ZNF648: variants seen among roughly 807,000 people sequenced by gnomAD.
The protein encoded by ZNF648 is zinc finger protein 648.
In ZNF648, 1 loss-of-function variant was observed where a neutral mutation model predicts 0.3. The ratio of observed to expected loss-of-function variants is 3.90; its 90% confidence interval spans 1.39 to 18.51. The LOEUF is 18.51. Among genes scored for constraint, ZNF648 ranks in the 30% most tolerant of loss-of-function variants. ZNF648 has a pLI of 0.11. For synonymous variants in ZNF648, 376 were observed against 326.8 expected (o/e 1.15, Z -1.62); for missense variants, 874 against 769.7 (o/e 1.14, Z -1.60).
Position 182,057,230 on chromosome 1 carries a change from T to C in ZNF648, c.781A>G (p.Lys261Glu), listed in dbSNP as rs754468308. The change falls in exon 2 of 2, where the codon AAG (lysine) becomes GAG (glutamate). Residue 261 changes from lysine to glutamate, a missense_variant. Lys to Glu is a moderately conservative substitution (Grantham distance 56). Transcript: ENST00000339948. ...RCLRGGRAFQ[K>E]PSKPLSPAET... Reference sequence around the variant, plus strand: ...GCGGGGCTCAGCGGCTTGCTGGGCTTCTGAAAGGCCCGCCCGCCCCGCAGG... The same window carrying C: ...GCGGGGCTCAGCGGCTTGCTGGGCTCCTGAAAGGCCCGCCCGCCCCGCAGG... The C allele has an allele frequency of 6.4e-7, 1 of 1,567,538 alleles. No individual in the cohort carries two copies. Among genetic ancestry groups the C allele is most frequent in the Non-Finnish European group, 8.6e-7 (1 of 1,163,408 alleles).
At position 182,056,895 on chromosome 1, in the gene ZNF648, G is replaced by C; in HGVS notation, c.1116C>G (p.Thr372=). Residue 372 remains threonine, a synonymous_variant, in exon 2 of 2, where the codon ACC becomes ACG. Transcript: ENST00000339948. ...KPFPCSECGL[T]FNKPLSLLRH... ...GCAGCAGCGACAGCGGCTTGTTGAAGGTCAGGCCGCACTCGGAGCACGGGA... is the reference window on the plus strand; with the variant it reads ...GCAGCAGCGACAGCGGCTTGTTGAACGTCAGGCCGCACTCGGAGCACGGGA... The C allele has an allele frequency of 3.8e-6, 6 of 1,585,892 alleles. No homozygotes were observed. The highest frequency in any genetic ancestry group is 5.1e-6 in the Non-Finnish European group (6 of 1,166,876).
At chr1:182,064,977 T>C (rs1666079691), upstream of ZNF648, 1 of 152,196 alleles carries the variant, frequency 6.6e-6, no homozygotes, top group Non-Finnish European at 1.5e-5. Flanking sequence ...ACAGCAATGG[T>C]ACATTTATTG....
At chr1:182,062,414 T>G (rs1408425191), upstream of ZNF648, among the ~76,000 whole-genome samples, 2 of 152,166 alleles carry the variant, frequency 1.3e-5, no homozygotes, top group African/African-American at 4.8e-5. Context: ...GTGATGGAAG[T>G]GTGGTTCCTG....
Position 182,057,473 on chromosome 1 carries a change from C to T in ZNF648, c.538G>A (p.Val180Ile), listed in dbSNP as rs1424643408. 6.2e-7 allele frequency: 1 copy of T among 1,614,158 alleles called. No individual in the cohort carries two copies. The highest frequency in any genetic ancestry group is 1.3e-5 in the African/African-American group (1 of 74,962). ...NGKYLCAHKS[V>I]DTSAGNSSLL... The stretch of plus-strand genomic sequence containing the variant: ...GAAGAGTTCCCTGCGGACGTGTCTA[C>T]ACTTTTGTGCGCACAGAGATACTTT... The change falls in exon 2 of 2, where the codon GTA becomes ATA. Residue 180 changes from valine (V) to isoleucine (I), a missense_variant. Transcript: ENST00000339948.
chr1:182,057,573 AGGTAGTC>A lies in ZNF648; in HGVS notation c.431_437del (p.Arg144LeufsTer35). On this transcript the variant is annotated frameshift_variant, in exon 2 of 2. Transcript: ENST00000339948. LOFTEE classifies it low-confidence loss of function (END_TRUNC). ...CCCCCGAGTATCCATCATCACCCGC[AGGTAGTC>A]GGTCCCCAAGAGGTTGCATCTGACC... The A allele has an allele frequency of 4.3e-6, 7 of 1,614,218 alleles. No homozygotes were observed. The highest frequency in any genetic ancestry group is 5.9e-6 in the Non-Finnish European group (7 of 1,180,030).
chr1:182,060,147 G>A (rs1199561785), intron 1 of ZNF648, among the ~76,000 whole-genome samples: 1 of 152,192 alleles, frequency 6.6e-6, no homozygotes, highest in Admixed American at 6.5e-5. Context: ...GCTCCTCCCT[G>A]CTTTCATTGA....
chr1:182,067,224 C>G, the ZNF648 span, among the ~76,000 whole-genome samples: 1 of 152,180 alleles, frequency 6.6e-6, no homozygotes, highest in African/African-American at 2.4e-5. Flanking sequence ...GTGAAGACTG[C>G]ACAGTGTAGT....
chr1:182,060,839 C>A (rs1233090054), intron 1 of ZNF648, among the ~76,000 whole-genome samples: 1 of 152,174 alleles, frequency 6.6e-6, no homozygotes, highest in Non-Finnish European at 1.5e-5. Flanking sequence ...CTCTTTCCCT[C>A]TTTACGACAA....
chr1:182,056,582 GA>G lies in ZNF648; in HGVS notation c.1428del (p.Pro477LeufsTer15), dbSNP rs1557969654. 6.2e-7 allele frequency: 1 copy of G among 1,614,026 alleles called. No homozygotes were observed. The highest frequency in any genetic ancestry group is 8.5e-7 in the Non-Finnish European group (1 of 1,179,954). ...HQRIHTGERP[F>X]PCTQCGQAFA... ...AAGGCCTGGCCACACTGCGTGCAAG[GA>G]AAGGGCCTCTCGCCAGTGTGGATGC... is the stretch of plus-strand genomic sequence containing the variant. On this transcript the variant is annotated frameshift_variant, in exon 2 of 2. Coordinates refer to ENST00000339948, the MANE Select transcript of ZNF648 (RefSeq NM_001009992.1). LOFTEE classifies it low-confidence loss of function (END_TRUNC).
At position 182,056,494 on chromosome 1, in the gene ZNF648, C is replaced by A; in HGVS notation, c.1517G>T (p.Cys506Phe). ...QIHSGEKGFL[C>F]AECGRAFRIA... ...GCGGAAGGCCCTGCCGCACTCGGCACAGAGGAATCCCTTCTCCCCGGAGTG... is the reference window on the plus strand; with the variant it reads ...GCGGAAGGCCCTGCCGCACTCGGCAAAGAGGAATCCCTTCTCCCCGGAGTG... The change falls in exon 2 of 2, where the codon TGT becomes TTT. Residue 506 changes from cysteine to phenylalanine, a missense_variant. Physicochemically the swap from Cys to Phe is radical, Grantham distance 205. Coordinates refer to ENST00000339948, the MANE Select transcript of ZNF648 (RefSeq NM_001009992.1). The A allele has an allele frequency of 6.2e-7, 1 of 1,614,002 alleles. No homozygotes were observed. The highest frequency in any genetic ancestry group is 8.5e-7 in the Non-Finnish European group (1 of 1,179,944).
At chr1:182,066,080 C>T (rs1004392849), upstream of ZNF648, among the ~76,000 whole-genome samples, 12 of 152,282 alleles carry the variant, frequency 7.9e-5, no homozygotes, top group Non-Finnish European at 1.3e-4. Context: ...AGTAGGTGTT[C>T]TTTTATGTAT....
chr1:182,058,581 C>T (rs997276525), intron 1 of ZNF648, among the ~76,000 whole-genome samples: 3 of 151,972 alleles, frequency 2.0e-5, no homozygotes, highest in Non-Finnish European at 2.9e-5. Flanking sequence ...GCTGTGTAGG[C>T]CACCTCTTCC....
chr1:182,062,154 C>T (rs1364900826), upstream of ZNF648, among the ~76,000 whole-genome samples: 3 of 152,164 alleles, frequency 2.0e-5, no homozygotes, highest in Non-Finnish European at 4.4e-5. Flanking sequence ...TGTAGCAGCC[C>T]ATTCATTGGC....
chr1:182,060,673 G>A (rs1417443031), intron 1 of ZNF648, among the ~76,000 whole-genome samples: 1 of 152,142 alleles, frequency 6.6e-6, no homozygotes, highest in Non-Finnish European at 1.5e-5. Context: ...TCAGCATAGT[G>A]GATCTTAGGG....
At chr1:182,066,166 G>C (rs1158352835), upstream of ZNF648, among the ~76,000 whole-genome samples, 1 of 152,186 alleles carries the variant, frequency 6.6e-6, no homozygotes, top group East Asian at 1.9e-4. Context: ...TGAAAACAAG[G>C]GTCTGCCCGC....
Position 182,061,604 on chromosome 1 carries a change from T to G in ZNF648, c.-100A>C, listed in dbSNP as rs889438606. The G allele has an allele frequency of 6.6e-6, 1 of 152,462 alleles. No homozygotes were observed. Among genetic ancestry groups the G allele is most frequent in the African/African-American group, 2.4e-5 (1 of 41,470 alleles). 9.4% of individuals were successfully genotyped at this position (152,462 alleles called of 1,614,324 possible). A position where few individuals can be genotyped will look rare whatever the true frequency, so the allele number is the denominator to read the frequency against. Reference sequence around the variant, plus strand: ...AGACAGCAGTGTGGGGCCTCTGCCCTGGCTTCTGTGACACGTGGGCTCTCA... The same window carrying G: ...AGACAGCAGTGTGGGGCCTCTGCCCGGGCTTCTGTGACACGTGGGCTCTCA... On this transcript the variant is annotated 5_prime_UTR_variant, in exon 1 of 2. Coordinates refer to ENST00000339948, the MANE Select transcript of ZNF648 (RefSeq NM_001009992.1).
upstream of ZNF648, chr1:182,061,776 C>T (rs917924963): frequency 2.0e-5 from 3 of 152,464 alleles, no homozygotes; most frequent in African/African-American, 7.2e-5. Context: ...CAGAGAGCAG[C>T]CTGGGAAATA....
rs1223564271 is a variant in ZNF648 at position 182,054,934 on chromosome 1, AC to A, written c.*1369del. The stretch of plus-strand genomic sequence containing the variant: ...CATGAGAATGCTATTTAGAGGTCAC[AC>A]CCTAGTTCCAAATCAGGTGGAAACC... On this transcript the variant is annotated 3_prime_UTR_variant, in exon 2 of 2. Transcript: ENST00000339948. 1 of 152,132 alleles carries A rather than the reference AC, an allele frequency of 6.6e-6. No homozygotes were observed. The highest frequency in any genetic ancestry group is 6.6e-5 in the Admixed American group (1 of 15,264). 9.4% of individuals were successfully genotyped at this position (152,132 alleles called of 1,614,324 possible).
chr1:182,059,047 T>C (rs1162416180), intron 1 of ZNF648, among the ~76,000 whole-genome samples: 2 of 152,194 alleles, frequency 1.3e-5, no homozygotes, highest in Non-Finnish European at 2.9e-5. Context: ...GGTCTTGAAC[T>C]CCTGACCTTG....
Sources: gnomAD v4.1 joint callset for allele counts (sites outside exome capture counted in the v4.1 genomes callset) on GRCh38, gnomAD v4.1.1 for gene constraint, MANE v1.5 for transcripts, NCBI Gene and HGNC (gene_info 2026-07-23, HGNC 2026-07-21) for gene names.